The following CHIC1 variants were observed in gnomAD, a reference collection of about 807,000 sequenced individuals.
CHIC1 encodes the protein cysteine-rich hydrophobic domain-containing protein 1.
A neutral mutation model predicts 18.5 loss-of-function variants in CHIC1; 7 were observed. That is an observed-to-expected ratio of 0.38 (90% CI 0.22 to 0.71). The LOEUF (loss-of-function observed/expected upper bound fraction) is 0.71. Ranked by LOEUF, CHIC1 falls within the 30% of genes least tolerant of loss-of-function variation. CHIC1 has a pLI of 0.49. For synonymous variants in CHIC1, 77 were observed against 73.5 expected (o/e 1.05, Z -0.25); for missense variants, 159 against 176.9 (o/e 0.90, Z 0.57).
chrX:73,601,580 T>G (rs1433835968), intron 3 of CHIC1, among the ~76,000 whole-genome samples: 1 of 105,440 alleles, frequency 9.5e-6, no homozygotes, highest in Non-Finnish European at 1.9e-5. Flanking sequence ...GGGAAATTTA[T>G]AGCACTAAAT....
In CHIC1 at chrX:73,566,947, C is replaced by G. The variant is rs1449062584; in HGVS notation, c.296+3367C>G. ...TTTAGTTGAACTGAAAGTTATACGT[C>G]TCAATTAATGGTATTCAAATTCTAA... On this transcript the variant is annotated intron_variant, in intron 1 of 5. Coordinates refer to ENST00000373502, the MANE Select transcript of CHIC1 (RefSeq NM_001039840.4). Among the ~76,000 whole-genome samples the G allele has an allele frequency of 4.5e-5, 5 of 111,901 alleles. No homozygotes were observed. In the East Asian group the frequency reaches 1.4e-3, roughly 31 times the overall value.
intron 2 of CHIC1, among the ~76,000 whole-genome samples, chrX:73,578,016 T>G (rs2147545476): frequency 9.1e-6 from 1 of 109,534 alleles, no homozygotes; most frequent in South Asian, 3.8e-4. Flanking sequence ...AACTATAAAT[T>G]TAAAGACCTA....
chrX:73,616,552 C>G (rs1167548708), intron 3 of CHIC1, among the ~76,000 whole-genome samples: 1 of 111,971 alleles, frequency 8.9e-6, no homozygotes. Flanking sequence ...TATGAGAGCC[C>G]CACCCCTGCA....
At chrX:73,584,678 C>T (rs1429069144) in intron 3 of CHIC1, 106 bp downstream of exon 3, 3 of 553,076 alleles carry the variant, frequency 5.4e-6, no homozygotes, top group Non-Finnish European at 7.9e-6. Flanking sequence ...TTAGTTAATT[C>T]TTGTAACAAT....
rs1306955830 is a variant in CHIC1 at position 73,623,962 on chromosome X, T to G, written c.507+39390T>G. On this transcript the variant is annotated intron_variant, in intron 3 of 5. Transcript: ENST00000373502. ...TTGTAAGGGTTTTCATTTGCCAGTT[T>G]TAAAGTTTCTCTTTAAAGTATGCAG... is the stretch of plus-strand genomic sequence containing the variant. 5.4e-5 allele frequency among the ~76,000 whole-genome samples: 6 copies of G among 111,407 alleles called. No individual in the cohort carries two copies. The South Asian group carries it at 2.2e-3, about 42-fold the overall frequency.
chrX:73,570,180 C>A (rs1391998529), intron 1 of CHIC1, among the ~76,000 whole-genome samples: 1 of 111,363 alleles, frequency 9.0e-6, no homozygotes, highest in Non-Finnish European at 1.9e-5. Flanking sequence ...TTGTATAGTG[C>A]ACATTAGAAG....
chrX:73,672,651 G>C (rs750709630), intron 3 of CHIC1, among the ~76,000 whole-genome samples: 3 of 112,386 alleles, frequency 2.7e-5, no homozygotes, highest in South Asian at 3.7e-4. Flanking sequence ...GTTCAATGTA[G>C]ATTCTGGATA....
At chrX:73,584,699 T>G (rs981086546) in intron 3 of CHIC1, 127 bp downstream of exon 3, 2 of 485,987 alleles carry the variant, frequency 4.1e-6, no homozygotes, top group African/African-American at 4.8e-5. Context: ...GCTATCTTTA[T>G]TTTAGAGATA....
At chrX:73,578,560 CATT>C (rs1233074062) in intron 2 of CHIC1, 1 of 110,565 alleles carries the variant, frequency 9.0e-6, no homozygotes, top group Non-Finnish European at 1.9e-5. Flanking sequence ...AAAATTATCT[CATT>C]ATCTAACAGG....
chrX:73,673,752 A>G (rs994118978), intron 3 of CHIC1, among the ~76,000 whole-genome samples: 24 of 110,991 alleles, frequency 2.2e-4, no homozygotes, highest in Non-Finnish European at 2.8e-4. Flanking sequence ...CCTTCTCCTG[A>G]CTAATTGCCC....
chrX:73,623,249 T>C (rs1360340479), intron 3 of CHIC1, among the ~76,000 whole-genome samples: 2 of 110,894 alleles, frequency 1.8e-5, no homozygotes, highest in African/African-American at 6.6e-5. Context: ...GTTAATTTTC[T>C]GTCTCATTGA....
intron 3 of CHIC1, among the ~76,000 whole-genome samples, chrX:73,671,345 T>G (rs1228393072): frequency 8.9e-6 from 1 of 112,230 alleles, no homozygotes; most frequent in African/African-American, 3.2e-5. Flanking sequence ...TCCCAAGACT[T>G]GGGAAGTTTT....
chrX:73,640,495 T>C (rs2057850421), intron 3 of CHIC1, among the ~76,000 whole-genome samples: 1 of 111,407 alleles, frequency 9.0e-6, no homozygotes, highest in African/African-American at 3.3e-5. Flanking sequence ...AGTTTTCTTT[T>C]TGTGTGTGTC....
chrX:73,657,570 A>G (rs1258311356), intron 3 of CHIC1, among the ~76,000 whole-genome samples: 1 of 112,137 alleles, frequency 8.9e-6, no homozygotes, highest in Non-Finnish European at 1.9e-5. Context: ...GCAAATAAAG[A>G]TAGTTTAACT....
intron 3 of CHIC1, among the ~76,000 whole-genome samples, chrX:73,585,553 A>G (rs1206010909): frequency 2.7e-5 from 3 of 111,325 alleles, no homozygotes; most frequent in Non-Finnish European, 5.7e-5. Context: ...GACAGCATAA[A>G]TTCCTTTTCT....
At position 73,638,427 on chromosome X, in the gene CHIC1, T is replaced by C. The variant is rs772591605; in HGVS notation, c.508-40899T>C. ...AATTGAGATCTGAGTTCCTACCTCA[T>C]TCAGACCAAGAATTCTGCCATACAT... is the stretch of plus-strand genomic sequence containing the variant. On this transcript the variant is annotated intron_variant, in intron 3 of 5. Transcript: ENST00000373502. Among the ~76,000 whole-genome samples the C allele has an allele frequency of 1.2e-4, 13 of 111,560 alleles. No individual in the cohort carries two copies. The South Asian group carries it at 4.5e-3, about 39-fold the overall frequency.
intron 3 of CHIC1, among the ~76,000 whole-genome samples, chrX:73,621,186 T>C (rs2057758568): frequency 8.9e-6 from 1 of 111,990 alleles, no homozygotes; most frequent in South Asian, 3.7e-4. Flanking sequence ...ATACAGGCTC[T>C]TTTTTGGTTC....
At chrX:73,607,153 C>T (rs1476605319) in intron 3 of CHIC1, among the ~76,000 whole-genome samples, 3 of 109,164 alleles carry the variant, frequency 2.7e-5, no homozygotes. Context: ...ACTGGAGCTG[C>T]TGCCTTTCTT....
In CHIC1 at chrX:73,584,403, G is replaced by A. The variant is rs374957474; in HGVS notation, c.352-14G>A. 1.7e-6 allele frequency: 2 copies of A among 1,178,596 alleles called. No individual in the cohort carries two copies. The highest frequency in any genetic ancestry group is 1.8e-5 in the African/African-American group (1 of 56,780). On this transcript the variant is annotated splice_polypyrimidine_tract_variant and intron_variant, in intron 2 of 5. Coordinates refer to ENST00000373502, the MANE Select transcript of CHIC1 (RefSeq NM_001039840.4). ...AGCTGCCCACAAACTGTTAAAGATT[G>A]TACCCTCTTGTAGGTGGCCCCAGAA...
Sources: gnomAD v4.1 joint callset for allele counts (sites outside exome capture counted in the v4.1 genomes callset) on GRCh38, gnomAD v4.1.1 for gene constraint, MANE v1.5 for transcripts, NCBI Gene and HGNC (gene_info 2026-07-23, HGNC 2026-07-21) for gene names.